FXR2: variants seen among roughly 807,000 people sequenced by gnomAD.
FXR2 encodes the protein RNA-binding protein FXR2.
A neutral mutation model predicts 87.3 loss-of-function variants in FXR2; 9 were observed. The observed-to-expected ratio is 0.10, with a 90% CI of 0.06 to 0.18. The LOEUF (loss-of-function observed/expected upper bound fraction) is 0.18. Among genes scored for constraint, FXR2 ranks in the 10% least tolerant of loss-of-function variants. The pLI is 1.00. For synonymous variants in FXR2, 331 were observed against 328.3 expected (o/e 1.01, Z -0.09); for missense variants, 661 against 893.6 (o/e 0.74, Z 3.32).
intron 7 of FXR2, among the ~76,000 whole-genome samples, chr17:7,600,241 C>A (rs188870043): frequency 1.2e-3 from 180 of 151,650 alleles, no homozygotes; most frequent in Admixed American, 2.3e-3. Context: ...TCTTGTCACC[C>A]AGGCTGAAGT....
At chr17:7,607,752 A>G (rs573667757) in intron 1 of FXR2, among the ~76,000 whole-genome samples, 1 of 151,472 alleles carries the variant, frequency 6.6e-6, no homozygotes, top group South Asian at 2.1e-4. Context: ...ATTAAATTTT[A>G]TATATAAGGT....
In FXR2 at chr17:7,603,793, T is replaced by C; in HGVS notation, c.413A>G (p.Lys138Arg). The C allele has an allele frequency of 6.2e-7, 1 of 1,613,958 alleles. No individual in the cohort carries two copies. The highest frequency in any genetic ancestry group is 8.5e-7 in the Non-Finnish European group (1 of 1,179,882). ...ATCCTCGGGCACAGCCATGGTAACC[T>C]TGAAGAAGCTGCCTTTGGTTGCAAG... ...NPLATKGSFF[K>R]VTMAVPEDLR... The change falls in exon 5 of 17, where the codon AAG (lysine) becomes AGG (arginine). Residue 138 changes from lysine (K) to arginine (R), a missense_variant. Lys to Arg is a conservative substitution (Grantham distance 26, BLOSUM62 2). Around this residue, in one of 3 missense-constraint regions of FXR2, gnomAD observed 170 missense variants for 247.2 expected, o/e 0.69. Coordinates refer to ENST00000250113, the MANE Select transcript of FXR2 (RefSeq NM_004860.4).
At chr17:7,609,910 ATG>A (rs1001745533) in intron 1 of FXR2, among the ~76,000 whole-genome samples, 2 of 139,216 alleles carry the variant, frequency 1.4e-5, no homozygotes, top group Non-Finnish European at 3.1e-5. Context: ...ATACATATAT[ATG>A]TATATATACA....
intron 3 of FXR2, 147 bp downstream of exon 3, chr17:7,605,498 A>AC (rs2071795659): frequency 1.7e-6 from 1 of 572,258 alleles, no homozygotes; most frequent in African/African-American, 1.9e-5. Flanking sequence ...AACAGTGATA[A>AC]AAGGGGAACT....
chr17:7,610,041 T>C (rs2071848818), intron 1 of FXR2, among the ~76,000 whole-genome samples: 2 of 77,974 alleles, frequency 2.6e-5, no homozygotes, highest in Admixed American at 1.4e-4. Context: ...CATGTATGTA[T>C]ATATATACAC....
chr17:7,591,898 C>A lies in FXR2; in HGVS notation c.1954G>T (p.Gly652Cys). 6.2e-7 allele frequency: 1 copy of A among 1,603,388 alleles called. No individual in the cohort carries two copies. Among genetic ancestry groups the A allele is most frequent in the South Asian group, 1.1e-5 (1 of 90,850 alleles). Residue 652 changes from glycine (G) to cysteine (C), a missense_variant, in exon 17 of 17, where the codon GGC becomes TGC. By Grantham distance (159) the Gly-to-Cys change is radical (BLOSUM62 -3). Coordinates refer to ENST00000250113, the MANE Select transcript of FXR2 (RefSeq NM_004860.4). This position sits in a 1 kb window ranked among gnomAD's most constrained non-coding sequence, Gnocchi z 4.0. ...GAGAGCTCCCCATTCTCCGAGGGGC[C>A]CTTAGGAAGCTTGCTGACAGAGTCA... Reference protein sequence around the residue: ...KGDSVSKLPKGPSENGELSAP... With the variant: ...KGDSVSKLPKCPSENGELSAP...
At position 7,593,083 on chromosome 17, in the gene FXR2, C is replaced by A; in HGVS notation, c.1429G>T (p.Gly477Trp). ...GPGDRDPPTRGEESRRRPTGG... is the reference protein window; with the variant it reads ...GPGDRDPPTRWEESRRRPTGG... ...GTCGGCCGCCTCCGGCTTTCTTCCC[C>A]TCGGGTTGGGGGATCCCTGTCGCCA... Residue 477 changes from glycine (G) to tryptophan (W), a missense_variant, in exon 13 of 17, where the codon GGG becomes TGG. Gly to Trp is a radical substitution (Grantham distance 184). This residue lies in a region of FXR2 where 409 missense variants were observed against 432.0 expected (regional missense o/e 0.95). Coordinates refer to ENST00000250113, the MANE Select transcript of FXR2 (RefSeq NM_004860.4). This position sits in a 1 kb window ranked among gnomAD's most constrained non-coding sequence, Gnocchi z 6.1. The A allele has an allele frequency of 6.3e-7, 1 of 1,593,726 alleles. No individual in the cohort carries two copies. Among genetic ancestry groups the A allele is most frequent in the Non-Finnish European group, 8.5e-7 (1 of 1,171,410 alleles).
intron 1 of FXR2, among the ~76,000 whole-genome samples, chr17:7,608,939 T>C (rs2071826919): frequency 6.6e-6 from 1 of 152,164 alleles, no homozygotes; most frequent in South Asian, 2.1e-4. Context: ...GGAAACCTCA[T>C]CTCTGCAAAA....
chr17:7,613,941 G>A (rs2071903174), intron 1 of FXR2: 2 of 424,276 alleles, frequency 4.7e-6, no homozygotes, highest in Admixed American at 2.6e-5. Flanking sequence ...CTTGGGAACC[G>A]GAATATAAGA....
chr17:7,593,259 TCTC>T lies in FXR2; in HGVS notation c.1331-81_1331-79del, dbSNP rs2150940181. On this transcript the variant is annotated intron_variant, in intron 12 of 16. Coordinates refer to ENST00000250113, the MANE Select transcript of FXR2 (RefSeq NM_004860.4). This position sits in a 1 kb window ranked among gnomAD's most constrained non-coding sequence, Gnocchi z 6.1. ...ATCACATCCCCCAAACTGGAAGAAT[TCTC>T]CTTCTCACTCACAAGCCTCCCAGCC... is the stretch of plus-strand genomic sequence containing the variant. The T allele has an allele frequency of 3.1e-6, 4 of 1,279,522 alleles. No homozygotes were observed. The highest frequency in any genetic ancestry group is 4.3e-6 in the Non-Finnish European group (4 of 938,324). 79.3% of individuals were successfully genotyped at this position (1,279,522 alleles called of 1,614,324 possible).
At chr17:7,596,244 G>C in intron 7 of FXR2, 1 of 332,078 alleles carries the variant, frequency 3.0e-6, no homozygotes, top group Middle Eastern at 8.7e-4. Flanking sequence ...TGCAACCTCC[G>C]CCTCTCGACT....
At chr17:7,605,963 G>T in intron 2 of FXR2, 134 bp downstream of exon 2, 1 of 681,302 alleles carries the variant, frequency 1.5e-6, no homozygotes, top group Admixed American at 2.6e-5. Flanking sequence ...TCCTCTCCTG[G>T]GATCCATATG....
Position 7,591,931 on chromosome 17 carries a change from G to T in FXR2, c.1927-6C>A. 1 of 1,504,154 alleles carries T rather than the reference G, an allele frequency of 6.6e-7. No individual in the cohort carries two copies. 93.2% of individuals were successfully genotyped at this position (1,504,154 alleles called of 1,614,324 possible). A position where few individuals can be genotyped will look rare whatever the true frequency, so the allele number is the denominator to read the frequency against. On this transcript the variant is annotated splice_polypyrimidine_tract_variant and splice_region_variant and intron_variant, in intron 16 of 16. Transcript: ENST00000250113. The surrounding 1 kb of genome is among the most constrained non-coding windows in gnomAD (Gnocchi z 4.0). ...AGCTTGCTGACAGAGTCACCCTGAG[G>T]GGAAAGTGGGAAAGAAAACAGAAAA... is the stretch of plus-strand genomic sequence containing the variant.
intron 1 of FXR2, among the ~76,000 whole-genome samples, chr17:7,609,981 T>TATATACATGTATATGTATAC (rs2071843524): frequency 2.1e-5 from 1 of 48,568 alleles, no homozygotes; most frequent in African/African-American, 5.1e-5. Flanking sequence ...TATGTATACA[T>TATATACATGTATATGTATAC]ATATATATAC....
intron 1 of FXR2, among the ~76,000 whole-genome samples, chr17:7,609,935 T>TATATATACATGTATATGTATAC (rs2071838308): frequency 9.6e-6 from 1 of 104,398 alleles, no homozygotes; most frequent in African/African-American, 4.4e-5. Context: ...TATATGTATA[T>TATATATACATGTATATGTATAC]ATATACATGT....
intron 7 of FXR2, among the ~76,000 whole-genome samples, chr17:7,600,023 G>A (rs111516403): frequency 0.45 from 67,886 of 150,364 alleles, 16,973 homozygotes; most frequent in South Asian, 0.63. Context: ...TCAGCCTCCC[G>A]AGTAGCTGGG....
At position 7,614,861 on chromosome 17, in the gene FXR2, A is replaced by T. The variant is rs2071935888; in HGVS notation, c.-329T>A. 6.3e-6 allele frequency: 1 copy of T among 158,960 alleles called. No individual in the cohort carries two copies. Among genetic ancestry groups the T allele is most frequent in the Non-Finnish European group, 1.4e-5 (1 of 72,700 alleles). 9.8% of individuals were successfully genotyped at this position (158,960 alleles called of 1,614,324 possible). On this transcript the variant is annotated 5_prime_UTR_variant, in exon 1 of 17. Coordinates refer to ENST00000250113, the MANE Select transcript of FXR2 (RefSeq NM_004860.4). ...GACCCGCTGCTGCCGCTGCCGCTCCACAGCCTCCACCTCCCCCTGCCACCG... is the reference window on the plus strand; with the variant it reads ...GACCCGCTGCTGCCGCTGCCGCTCCTCAGCCTCCACCTCCCCCTGCCACCG...
chr17:7,593,281 C>T lies in FXR2; in HGVS notation c.1331-100G>A. The T allele has an allele frequency of 8.2e-7, 1 of 1,225,240 alleles. No individual in the cohort carries two copies. Among genetic ancestry groups the T allele is most frequent in the African/African-American group, 1.5e-5 (1 of 66,102 alleles). The allele number at this position is 1,225,240 out of a possible 1,614,324, so 75.9% of individuals were successfully genotyped here. On this transcript the variant is annotated intron_variant, in intron 12 of 16. Transcript: ENST00000250113. This position sits in a 1 kb window ranked among gnomAD's most constrained non-coding sequence, Gnocchi z 6.1. ...AATTCTCCTTCTCACTCACAAGCCTCCCAGCCAATCAATCACTTTTTCATC... is the reference window on the plus strand; with the variant it reads ...AATTCTCCTTCTCACTCACAAGCCTTCCAGCCAATCAATCACTTTTTCATC...
Position 7,605,815 on chromosome 17 carries a change from C to T in FXR2, c.135-77G>A, listed in dbSNP as rs148380570. Reference sequence around the variant, plus strand: ...CATTTCTTTACAAAAGGGTTATTGCCTCAGCTGGGCGAGTTCCACCTATCT... The same window carrying T: ...CATTTCTTTACAAAAGGGTTATTGCTTCAGCTGGGCGAGTTCCACCTATCT... On this transcript the variant is annotated intron_variant, in intron 2 of 16. Coordinates refer to ENST00000250113, the MANE Select transcript of FXR2 (RefSeq NM_004860.4). 2,190 of 863,878 alleles carry T rather than the reference C, an allele frequency of 2.5e-3. 63 individuals carry two copies. The East Asian group carries it at 0.042, about 17-fold the overall frequency. 53.5% of individuals were successfully genotyped at this position (863,878 alleles called of 1,614,324 possible).
Sources: allele counts gnomAD v4.1 joint callset (sites outside exome capture counted in the v4.1 genomes callset), GRCh38; gene constraint gnomAD v4.1.1; regional missense constraint gnomAD v4.1.1; non-coding constraint Gnocchi (gnomAD v3.1); transcripts MANE v1.5; gene names NCBI Gene and HGNC (gene_info 2026-07-23, HGNC 2026-07-21).